SBK3: variants seen among roughly 807,000 people sequenced by gnomAD.
SBK3 encodes SH3 domain binding kinase family member 3, also known as uncharacterized serine/threonine-protein kinase SBK3.
A neutral mutation model predicts 12.7 loss-of-function variants in SBK3; 16 were observed. The observed-to-expected ratio is 1.26, with a 90% CI of 0.86 to 1.92. The LOEUF is 1.92. Among genes scored for constraint, SBK3 ranks in the 40% most tolerant of loss-of-function variants. The probability of loss-of-function intolerance (pLI) is 0.00; values close to 1 mark genes in which losing one functional copy is unlikely to be tolerated. For synonymous variants in SBK3, 217 were observed against 213.6 expected (o/e 1.02, Z -0.14); for missense variants, 462 against 481.8 (o/e 0.96, Z 0.38).
Position 55,544,799 on chromosome 19 carries a change from C to A in SBK3, c.196G>T (p.Gly66Cys), listed in dbSNP as rs1025183661. 7 of 1,496,180 alleles carry A rather than the reference C, an allele frequency of 4.7e-6. No homozygotes were observed. The highest frequency in any genetic ancestry group is 1.4e-5 in the African/African-American group (1 of 71,462). 92.7% of individuals were successfully genotyped at this position (1,496,180 alleles called of 1,614,324 possible). The change falls in exon 2 of 4, where the codon GGT becomes TGT. Residue 66 changes from glycine (G) to cysteine (C), a missense_variant and splice_region_variant. By Grantham distance (159) the Gly-to-Cys change is radical. Transcript: ENST00000612221. ...GCTGCCCTTGGGTGGCTGAACTCAC[C>A]CCCCTGGTGAGGCTGGGCAAGGAGC... ...RVLLAQPHQGGPAVALKLLRR... is the reference protein window; with the variant it reads ...RVLLAQPHQGCPAVALKLLRR...
At position 55,544,220 on chromosome 19, in the gene SBK3, G is replaced by A. The variant is rs748441126; in HGVS notation, c.279C>T (p.Cys93=). The A allele has an allele frequency of 6.9e-5, 106 of 1,536,020 alleles. No homozygotes were observed. The East Asian group carries it at 2.5e-3, about 36-fold the overall frequency. Reference sequence around the variant, plus strand: ...GCAGCAGGCCTGGGTGTGCAGAGACGCAGCGGCCCACACAGAACTCCCTCA... The same window carrying A: ...GCAGCAGGCCTGGGTGTGCAGAGACACAGCGGCCCACACAGAACTCCCTCA... ...TFLREFCVGR[C]VSAHPGLLQT... The change falls in exon 3 of 4, where the codon TGC becomes TGT. Residue 93 remains cysteine, a synonymous_variant. Coordinates refer to ENST00000612221, the MANE Select transcript of SBK3 (RefSeq NM_001199824.2).
At position 55,541,052 on chromosome 19, in the gene SBK3, C is replaced by T. The variant is rs560347348; in HGVS notation, c.874G>A (p.Glu292Lys). Reference sequence around the variant, plus strand: ...ACAGCCAGTGGGGGGCTCCTAGTCTCGGGATCCAGGTCCAGAAGCCCCTGG... The same window carrying T: ...ACAGCCAGTGGGGGGCTCCTAGTCTTGGGATCCAGGTCCAGAAGCCCCTGG... ...LLQGLLDLDP[E>K]TRSPPLAVLD... is the part of the protein sequence containing the mutation. The change falls in exon 4 of 4, where the codon GAG becomes AAG. Residue 292 changes from glutamate to lysine, a missense_variant. By Grantham distance (56) the Glu-to-Lys change is moderately conservative. Coordinates refer to ENST00000612221, the MANE Select transcript of SBK3 (RefSeq NM_001199824.2). This position sits in a 1 kb window ranked among gnomAD's most constrained non-coding sequence, Gnocchi z 5.3. 41 of 1,536,034 alleles carry T rather than the reference C, an allele frequency of 2.7e-5. No homozygotes were observed. In the South Asian group the frequency reaches 3.4e-4, roughly 13 times the overall value.
intron 3 of SBK3, 64 bp downstream of exon 3, chr19:55,544,036 C>CG: frequency 7.4e-7 from 1 of 1,355,506 alleles, no homozygotes; most frequent in Non-Finnish European, 9.7e-7. Flanking sequence ...GAGACAGAGA[C>CG]GGGGCTTGGG....
chr19:55,545,277 C>T lies in SBK3; in HGVS notation c.45+222G>A, dbSNP rs982390367. On this transcript the variant is annotated intron_variant, in intron 1 of 3. Transcript: ENST00000612221. This position sits in a 1 kb window ranked among gnomAD's most constrained non-coding sequence, Gnocchi z 4.4. ...GGTCTCTCTCTCCACCGTCCTCTTCCCCTGTGCATCCCGCTGTGTGTTTCT... is the reference window on the plus strand; with the variant it reads ...GGTCTCTCTCTCCACCGTCCTCTTCTCCTGTGCATCCCGCTGTGTGTTTCT... 1 of 589,280 alleles carries T rather than the reference C, an allele frequency of 1.7e-6. No homozygotes were observed. Among genetic ancestry groups the T allele is most frequent in the Middle Eastern group, 4.1e-4 (1 of 2,410 alleles). 36.5% of individuals were successfully genotyped at this position (589,280 alleles called of 1,614,324 possible). A position where few individuals can be genotyped will look rare whatever the true frequency, so the allele number is the denominator to read the frequency against.
At chr19:55,544,985 C>T in intron 1 of SBK3, 36 bp from the exon 2 acceptor site, 4 of 1,486,350 alleles carry the variant, frequency 2.7e-6, no homozygotes, top group Non-Finnish European at 3.6e-6. Flanking sequence ...GGGGGCGCGT[C>T]TGGGGTCCAC....
rs1988647036 is a variant in SBK3, at chr19:55,545,140, A to G, written c.46-191T>C. On this transcript the variant is annotated intron_variant, in intron 1 of 3. Coordinates refer to ENST00000612221, the MANE Select transcript of SBK3 (RefSeq NM_001199824.2). The surrounding 1 kb of genome is among the most constrained non-coding windows in gnomAD (Gnocchi z 4.4). ...CCTGTTTTTGTGTCCTGGAGAGGTT[A>G]GGGGTCACTGCCACAGAGGCCCCGC... 1.7e-6 allele frequency: 1 copy of G among 590,602 alleles called. No individual in the cohort carries two copies. 36.6% of individuals were successfully genotyped at this position (590,602 alleles called of 1,614,324 possible). A position where few individuals can be genotyped will look rare whatever the true frequency, so the allele number is the denominator to read the frequency against.
intron 3 of SBK3, among the ~76,000 whole-genome samples, chr19:55,542,813 G>GATCCATCCATCCATCCGTCC: frequency 1.6e-5 from 1 of 63,724 alleles, no homozygotes; most frequent in African/African-American, 6.1e-5. Context: ...TCCTTCTATC[G>GATCCATCCATCCATCCGTCC]ATCCATCCAT....
At chr19:55,542,919 CCCACCCACCCATCCAT>C (rs1265189159) in intron 3 of SBK3, among the ~76,000 whole-genome samples, 9 of 122,796 alleles carry the variant, frequency 7.3e-5, no homozygotes, top group South Asian at 3.2e-4. Context: ...CCTCCATCTA[CCCACCCACCCATCCAT>C]CCACCCACCC....
Position 55,544,992 on chromosome 19 carries a change from C to A in SBK3, c.46-43G>T, listed in dbSNP as rs1213724255. 3 of 1,469,874 alleles carry A rather than the reference C, an allele frequency of 2.0e-6. No homozygotes were observed. The Admixed American group carries it at 6.5e-5, about 32-fold the overall frequency. 91.1% of individuals were successfully genotyped at this position (1,469,874 alleles called of 1,614,324 possible). The stretch of plus-strand genomic sequence containing the variant: ...GGTGAGGAGGGGGCGCGTCTGGGGT[C>A]CACTGAGAGTGGTGGGGGAGGAGGT... On this transcript the variant is annotated intron_variant, in intron 1 of 3. Transcript: ENST00000612221.
chr19:55,541,272 A>G lies in SBK3; in HGVS notation c.654T>C (p.Pro218=). ...LCLLLPPDTL[P]LRPAVDSWGL... ...CCCAGGAGTCCACGGCTGGCCGCAG[A>G]GGCAGGGTGTCGGGCGGTAGCAGGA... is the stretch of plus-strand genomic sequence containing the variant. The change falls in exon 4 of 4, where the codon CCT becomes CCC. Residue 218 remains proline (P), a synonymous_variant. Transcript: ENST00000612221. The surrounding 1 kb of genome is among the most constrained non-coding windows in gnomAD (Gnocchi z 5.3). 1 of 1,535,870 alleles carries G rather than the reference A, an allele frequency of 6.5e-7. No individual in the cohort carries two copies.
chr19:55,542,874 A>AT (rs1336744835), intron 3 of SBK3, among the ~76,000 whole-genome samples: 145 of 145,388 alleles, frequency 1.0e-3, no homozygotes, highest in African/African-American at 3.5e-3. Flanking sequence ...CCATCCATCC[A>AT]TCCACCCACC....
In SBK3 at chr19:55,544,887, C is replaced by T; in HGVS notation, c.108G>A (p.Val36=). Residue 36 remains valine (V), a synonymous_variant, in exon 2 of 4, where the codon GTG becomes GTA. Transcript: ENST00000612221. ...VELTTSRVTP[V]RSLRDQYHLI... ...GGTGGTACTGGTCCCGAAGGCTCCT[C>T]ACCGGGGTCACCCTGCTGGTCGTCA... 6.5e-7 allele frequency: 1 copy of T among 1,534,570 alleles called. No homozygotes were observed. The highest frequency in any genetic ancestry group is 8.7e-7 in the Non-Finnish European group (1 of 1,146,484).
chr19:55,544,135 GC>G lies in SBK3; in HGVS notation c.363del (p.Cys123ValfsTer18). ...PRYFAFAQEY[A>X]PCGDLSGMLQ... ...AGCATCCCGCTGAGGTCCCCACAGG[GC>G]GCGTACTCCTGGGCGAAGGCAAAAT... On this transcript the variant is annotated frameshift_variant, in exon 3 of 4. Transcript: ENST00000612221. LOFTEE classifies it low-confidence loss of function (END_TRUNC). 6.5e-7 allele frequency: 1 copy of G among 1,531,148 alleles called. No individual in the cohort carries two copies. The highest frequency in any genetic ancestry group is 8.7e-7 in the Non-Finnish European group (1 of 1,144,426). The allele number at this position is 1,531,148 out of a possible 1,614,324, so 94.8% of individuals were successfully genotyped here. A position where few individuals can be genotyped will look rare whatever the true frequency, so the allele number is the denominator to read the frequency against.
chr19:55,543,319 T>TCCAC (rs1988605529), intron 3 of SBK3, among the ~76,000 whole-genome samples: 1 of 106,232 alleles, frequency 9.4e-6, no homozygotes, highest in African/African-American at 4.0e-5. Context: ...CATCCATCCA[T>TCCAC]CCATCCATCC....
Position 55,541,142 on chromosome 19 carries a change from T to C in SBK3, c.784A>G (p.Lys262Glu). The change falls in exon 4 of 4, where the codon AAG (lysine) becomes GAG (glutamate). Residue 262 changes from lysine to glutamate, a missense_variant. Transcript: ENST00000612221. This position sits in a 1 kb window ranked among gnomAD's most constrained non-coding sequence, Gnocchi z 5.3. ...FEAFAGWVTT[K>E]PQPPQPPPPW... ...GGTGGTGGCTGAGGTGGCTGAGGCT[T>C]GGTGGTCACCCAGCCAGCGAAGGCC... 1 of 1,535,644 alleles carries C rather than the reference T, an allele frequency of 6.5e-7. No homozygotes were observed. Among genetic ancestry groups the C allele is most frequent in the Non-Finnish European group, 8.7e-7 (1 of 1,146,724 alleles).
At position 55,544,161 on chromosome 19, in the gene SBK3, T is replaced by C. The variant is rs993811104; in HGVS notation, c.338A>G (p.Tyr113Cys). The change falls in exon 3 of 4, where the codon TAT becomes TGT. Residue 113 changes from tyrosine (Y) to cysteine (C), a missense_variant. Coordinates refer to ENST00000612221, the MANE Select transcript of SBK3 (RefSeq NM_001199824.2). ...TLAGPLQTPR[Y>C]FAFAQEYAPC... ...CGCGTACTCCTGGGCGAAGGCAAAA[T>C]AGCGGGGGGTCTGTAGGGGTCCTGC... The C allele has an allele frequency of 2.6e-6, 4 of 1,535,018 alleles. No homozygotes were observed. In the African/African-American group the frequency reaches 5.5e-5, roughly 21 times the overall value.
intron 3 of SBK3, among the ~76,000 whole-genome samples, chr19:55,543,005 CACCCGTCCACTCA>C: frequency 7.4e-6 from 1 of 135,994 alleles, no homozygotes; most frequent in African/African-American, 2.8e-5. Flanking sequence ...TCCACCCACC[CACCCGTCCACTCA>C]ACCAATCCTT....
rs763065652 is a variant in SBK3 at position 55,541,266 on chromosome 19, C to T, written c.660G>A (p.Arg220=). ...CCAGGCCCCAGGAGTCCACGGCTGG[C>T]CGCAGAGGCAGGGTGTCGGGCGGTA... ...LLLPPDTLPL[R]PAVDSWGLGV... Residue 220 remains arginine (R), a synonymous_variant, in exon 4 of 4, where the codon CGG becomes CGA. Coordinates refer to ENST00000612221, the MANE Select transcript of SBK3 (RefSeq NM_001199824.2). This position sits in a 1 kb window ranked among gnomAD's most constrained non-coding sequence, Gnocchi z 5.3. The T allele has an allele frequency of 1.0e-5, 16 of 1,535,952 alleles. No individual in the cohort carries two copies. Among genetic ancestry groups the T allele is most frequent in the Non-Finnish European group, 1.3e-5 (15 of 1,146,846 alleles).
In SBK3 at chr19:55,540,681, TCA is replaced by T; in HGVS notation, c.*163_*164del. ...GGGCAGGAGCTGGGCTCTTGGGTCC[TCA>T]GTTGGAAGAGGAATGCGCGTCCAAG... On this transcript the variant is annotated 3_prime_UTR_variant, in exon 4 of 4. Transcript: ENST00000612221. 1.5e-6 allele frequency: 1 copy of T among 679,938 alleles called. No homozygotes were observed. The highest frequency in any genetic ancestry group is 2.6e-6 in the Non-Finnish European group (1 of 381,540). The allele number at this position is 679,938 out of a possible 1,614,324, so 42.1% of individuals were successfully genotyped here.
Sources: allele counts gnomAD v4.1 joint callset (sites outside exome capture counted in the v4.1 genomes callset), GRCh38; gene constraint gnomAD v4.1.1; non-coding constraint Gnocchi (gnomAD v3.1); transcripts MANE v1.5; gene names NCBI Gene and HGNC (gene_info 2026-07-23, HGNC 2026-07-21).